The following MAPK7 variants were observed in gnomAD, a reference collection of about 807,000 sequenced individuals.
MAPK7 encodes the protein BMK-1.
A neutral mutation model predicts 56.9 loss-of-function variants in MAPK7; 30 were observed. The ratio of observed to expected loss-of-function variants is 0.53; its 90% confidence interval spans 0.39 to 0.72. The LOEUF is 0.72. Ranked by LOEUF, MAPK7 falls within the 30% of genes least tolerant of loss-of-function variation. The pLI is 0.00. For missense variants in MAPK7, 952 were observed against 1,110.8 expected (o/e 0.86, Z 2.03); for synonymous variants, 516 against 449.3 (o/e 1.15, Z -1.88).
chr17:19,383,248 C>T lies in MAPK7; in HGVS notation c.*17C>T, dbSNP rs1197027351. 1 of 1,613,022 alleles carries T rather than the reference C, an allele frequency of 6.2e-7. No homozygotes were observed. Among genetic ancestry groups the T allele is most frequent in the Non-Finnish European group, 8.5e-7 (1 of 1,179,366 alleles). ...GACCCCTGAGGCCCCCAGCCTGTGCCTTGCTGCCACAGTAGACCTAGTTCC... is the reference window on the plus strand; with the variant it reads ...GACCCCTGAGGCCCCCAGCCTGTGCTTTGCTGCCACAGTAGACCTAGTTCC... On this transcript the variant is annotated 3_prime_UTR_variant, in exon 7 of 7. Coordinates refer to ENST00000395604, the MANE Select transcript of MAPK7 (RefSeq NM_002749.4).
rs1021802573 is a variant in MAPK7 at position 19,383,400 on chromosome 17, G to A, written c.*169G>A. ...TTAAGCAGCCACCTGAGCCACCACCGAGCCATGGCAGGATCGGGAGACCCC... is the reference window on the plus strand; with the variant it reads ...TTAAGCAGCCACCTGAGCCACCACCAAGCCATGGCAGGATCGGGAGACCCC... On this transcript the variant is annotated 3_prime_UTR_variant, in exon 7 of 7. Transcript: ENST00000395604. The A allele has an allele frequency of 1.8e-5, 11 of 610,952 alleles. No homozygotes were observed. Among genetic ancestry groups the A allele is most frequent in the Middle Eastern group, 4.4e-4 (1 of 2,286 alleles). The allele number at this position is 610,952 out of a possible 1,614,324, so 37.8% of individuals were successfully genotyped here. A position where few individuals can be genotyped will look rare whatever the true frequency, so the allele number is the denominator to read the frequency against.
chr17:19,380,066 G>A lies in MAPK7; in HGVS notation c.398+119G>A, dbSNP rs536557173. On this transcript the variant is annotated intron_variant, in intron 3 of 6. Transcript: ENST00000395604. The stretch of plus-strand genomic sequence containing the variant: ...TCTGAAGCAGGCTGGGAAAATTCCC[G>A]CAGTTCTAGGACCAGTTCTTTAGAG... The A allele has an allele frequency of 5.8e-5, 65 of 1,116,554 alleles. 1 individual carries two copies. The South Asian group carries it at 9.1e-4, about 16-fold the overall frequency. 69.2% of individuals were successfully genotyped at this position (1,116,554 alleles called of 1,614,324 possible).
At chr17:19,382,983 T>TGG in intron 6 of MAPK7, 37 bp downstream of exon 6, 1 of 1,613,662 alleles carries the variant, frequency 6.2e-7, no homozygotes, top group Middle Eastern at 1.7e-4. Context: ...ACTGGGACTG[T>TGG]GGGGAGAGGT....
Position 19,378,769 on chromosome 17 carries a change from C to T in MAPK7, c.-5-127C>T. The T allele has an allele frequency of 7.8e-7, 1 of 1,287,108 alleles. No individual in the cohort carries two copies. Among genetic ancestry groups the T allele is most frequent in the Non-Finnish European group, 1.0e-6 (1 of 963,486 alleles). 79.7% of individuals were successfully genotyped at this position (1,287,108 alleles called of 1,614,324 possible). On this transcript the variant is annotated intron_variant, in intron 1 of 6. Transcript: ENST00000395604. The surrounding 1 kb of genome is among the most constrained non-coding windows in gnomAD (Gnocchi z 5.4). ...CTGGGGTAGCTAGTCTGCCACGAACCAGCCGCGCGCTTCTGCCCTTGTCGG... is the reference window on the plus strand; with the variant it reads ...CTGGGGTAGCTAGTCTGCCACGAACTAGCCGCGCGCTTCTGCCCTTGTCGG...
At position 19,382,796 on chromosome 17, in the gene MAPK7, C is replaced by T. The variant is rs1598119328; in HGVS notation, c.2164-17C>T. On this transcript the variant is annotated splice_polypyrimidine_tract_variant and intron_variant, in intron 5 of 6. Coordinates refer to ENST00000395604, the MANE Select transcript of MAPK7 (RefSeq NM_002749.4). ...AGACCTCAGTCTGTCTGCATTGTAA[C>T]CTGTCATTCCCTGCAGGTGGAGGAC... 1 of 1,613,178 alleles carries T rather than the reference C, an allele frequency of 6.2e-7. No individual in the cohort carries two copies. Among genetic ancestry groups the T allele is most frequent in the Non-Finnish European group, 8.5e-7 (1 of 1,179,422 alleles).
upstream of MAPK7, chr17:19,378,481 G>T: frequency 9.6e-7 from 1 of 1,037,152 alleles, no homozygotes. This position sits in a 1 kb window ranked among gnomAD's most constrained non-coding sequence, Gnocchi z 5.4. Context: ...TGGGAGGCGG[G>T]GCGGAGGGGG....
intron 3 of MAPK7, chr17:19,380,369 C>T (rs1284370268): frequency 6.2e-6 from 7 of 1,137,788 alleles, no homozygotes; most frequent in Non-Finnish European, 8.2e-6. Context: ...AGTCCAACCC[C>T]ATCTTTTATC....
At chr17:19,378,294 C>A (rs1016635640), upstream of MAPK7, 4 of 987,520 alleles carry the variant, frequency 4.1e-6, no homozygotes, top group African/African-American at 7.0e-5. The surrounding 1 kb of genome is among the most constrained non-coding windows in gnomAD (Gnocchi z 5.4). Flanking sequence ...GGGGAGCACA[C>A]CCCTGCGAAG....
At chr17:19,378,204 G>C (rs899238797), upstream of MAPK7, 8 of 985,248 alleles carry the variant, frequency 8.1e-6, no homozygotes, top group African/African-American at 5.2e-5. The surrounding 1 kb of genome is among the most constrained non-coding windows in gnomAD (Gnocchi z 5.4). Context: ...GGGGACGCGC[G>C]CGCTACGTGC....
In MAPK7 at chr17:19,381,454, A is replaced by C; in HGVS notation, c.1245A>C (p.Pro415=). ...LQPVASEPGC[P]DVEMPSPWAP... ...CTGTGGCTAGTGAGCCTGGCTGTCC[A>C]GATGTTGAAATGCCCAGTCCCTGGG... Residue 415 remains proline, a synonymous_variant, in exon 4 of 7, where the codon CCA becomes CCC. Transcript: ENST00000395604. This position sits in a 1 kb window ranked among gnomAD's most constrained non-coding sequence, Gnocchi z 4.6. 1.2e-6 allele frequency: 2 copies of C among 1,614,080 alleles called. No individual in the cohort carries two copies. Among genetic ancestry groups the C allele is most frequent in the Non-Finnish European group, 1.7e-6 (2 of 1,180,016 alleles).
At chr17:19,378,364 T>A, upstream of MAPK7, 1 of 988,172 alleles carries the variant, frequency 1.0e-6, no homozygotes, top group South Asian at 4.5e-5. The surrounding 1 kb of genome is among the most constrained non-coding windows in gnomAD (Gnocchi z 5.4). Context: ...GCGCCAGGCG[T>A]GGCTTTCTCG....
At position 19,382,197 on chromosome 17, in the gene MAPK7, G is replaced by A. The variant is rs866948388; in HGVS notation, c.1894G>A (p.Ala632Thr). ...TACCTCTGGCCCTGTACCCCAGCCT[G>A]CCTGCCCACCCCCTGGCCCTGCACC... ...GSTSGPVPQP[A>T]CPPPGPAPHP... The change falls in exon 5 of 7, where the codon GCC (alanine) becomes ACC (threonine). Residue 632 changes from alanine (A) to threonine (T), a missense_variant. By Grantham distance (58) the Ala-to-Thr change is moderately conservative. This residue lies in a region of MAPK7 where 234 missense variants were observed against 210.4 expected (regional missense o/e 1.11). Transcript: ENST00000395604. 6.2e-7 allele frequency: 1 copy of A among 1,611,720 alleles called. No individual in the cohort carries two copies. Among genetic ancestry groups the A allele is most frequent in the East Asian group, 2.2e-5 (1 of 44,828 alleles).
upstream of MAPK7, chr17:19,378,466 G>A (rs1022357625): frequency 6.8e-6 from 7 of 1,030,138 alleles, no homozygotes; most frequent in Admixed American, 5.4e-5. This position sits in a 1 kb window ranked among gnomAD's most constrained non-coding sequence, Gnocchi z 5.4. Context: ...GAGGGAGCGT[G>A]GCCTTGGGAG....
rs113696736 is a variant in MAPK7, at chr17:19,383,289, A to G, written c.*58A>G. 20 of 1,584,220 alleles carry G rather than the reference A, an allele frequency of 1.3e-5. No individual in the cohort carries two copies. Among genetic ancestry groups the G allele is most frequent in the African/African-American group, 6.7e-5 (5 of 74,438 alleles). On this transcript the variant is annotated 3_prime_UTR_variant, in exon 7 of 7. Coordinates refer to ENST00000395604, the MANE Select transcript of MAPK7 (RefSeq NM_002749.4). ...ACCTAGTTCCAGGATCCATGGGAGC[A>G]TTCTCAAAGGCTTTAGCCCTGGACC...
chr17:19,377,853 A>C (rs1173867028), upstream of MAPK7: 1 of 985,280 alleles, frequency 1.0e-6, no homozygotes, highest in Non-Finnish European at 1.2e-6. Context: ...AGCGGAGGGA[A>C]GATACCTAGA....
chr17:19,383,402 G>C lies in MAPK7; in HGVS notation c.*171G>C. 1.7e-6 allele frequency: 1 copy of C among 596,280 alleles called. No individual in the cohort carries two copies. The highest frequency in any genetic ancestry group is 2.8e-6 in the Non-Finnish European group (1 of 352,936). The allele number at this position is 596,280 out of a possible 1,614,324, so 36.9% of individuals were successfully genotyped here. On this transcript the variant is annotated 3_prime_UTR_variant, in exon 7 of 7. Coordinates refer to ENST00000395604, the MANE Select transcript of MAPK7 (RefSeq NM_002749.4). The stretch of plus-strand genomic sequence containing the variant: ...AAGCAGCCACCTGAGCCACCACCGA[G>C]CCATGGCAGGATCGGGAGACCCCAA...
At chr17:19,377,905 T>A (rs1308362177), upstream of MAPK7, 6 of 985,228 alleles carry the variant, frequency 6.1e-6, no homozygotes, top group East Asian at 5.7e-4. Context: ...GGCCGGAAGC[T>A]GCGGAGAGGC....
At chr17:19,379,173 C>T (rs777526691) in intron 2 of MAPK7, 41 bp downstream of exon 2, 32 of 1,574,166 alleles carry the variant, frequency 2.0e-5, no homozygotes, top group Non-Finnish European at 8.7e-6. Flanking sequence ...GTGGCAGCGT[C>T]GCAGGGAGTG....
rs747618662 is a variant in MAPK7 at position 19,382,826 on chromosome 17, T to C, written c.2177T>C (p.Leu726Pro). 13 of 1,614,040 alleles carry C rather than the reference T, an allele frequency of 8.1e-6. No individual in the cohort carries two copies. The highest frequency in any genetic ancestry group is 1.1e-5 in the Non-Finnish European group (13 of 1,180,002). Residue 726 changes from leucine to proline, a missense_variant, in exon 6 of 7, where the codon CTG becomes CCG. Transcript: ENST00000395604. The part of the protein sequence containing the change: ...QLSKSQVEDP[L>P]PPVFSGTPKG... Reference sequence around the variant, plus strand: ...CATTCCCTGCAGGTGGAGGACCCCCTGCCCCCTGTGTTCTCAGGCACACCA... The same window carrying C: ...CATTCCCTGCAGGTGGAGGACCCCCCGCCCCCTGTGTTCTCAGGCACACCA...
Sources: allele counts gnomAD v4.1 joint callset, GRCh38; gene constraint gnomAD v4.1.1; regional missense constraint gnomAD v4.1.1; non-coding constraint Gnocchi (gnomAD v3.1); transcripts MANE v1.5; gene names NCBI Gene and HGNC (gene_info 2026-07-23, HGNC 2026-07-21).